Variants in STAG1 observed in about 807,000 individuals in gnomAD.
STAG1 encodes STAG1 cohesin complex component, also known as cohesin subunit SA-1.
In STAG1, 26 loss-of-function variants were observed where a neutral mutation model predicts 170.9. The ratio of observed to expected loss-of-function variants is 0.15; its 90% CI spans 0.11 to 0.21. The LOEUF is 0.21. STAG1 is among the 10% of genes least tolerant of loss of function. The pLI, the probability that STAG1 is intolerant of heterozygous loss-of-function variation, is 1.00. For missense variants in STAG1, 964 were observed against 1,509.5 expected (o/e 0.64, Z 5.99); for synonymous variants, 514 against 497.7 (o/e 1.03, Z -0.44).
chr3:136,634,147 T>TAATA (rs1054033190), intron 1 of STAG1, among the ~76,000 whole-genome samples: 2 of 147,764 alleles, frequency 1.4e-5, no homozygotes, highest in Non-Finnish European at 3.0e-5. Flanking sequence ...TTTCAAAAAA[T>TAATA]AATAAATAAA....
intron 32 of STAG1, 45 bp downstream of exon 32, chr3:136,340,446 C>T: frequency 8.0e-7 from 1 of 1,253,608 alleles, no homozygotes; most frequent in Non-Finnish European, 1.2e-6. Context: ...TACACCAATG[C>T]CCCCACATAT....
chr3:136,388,271 A>G (rs1162087715), intron 22 of STAG1, among the ~76,000 whole-genome samples: 1 of 152,218 alleles, frequency 6.6e-6, no homozygotes, highest in African/African-American at 2.4e-5. Flanking sequence ...ACAGGTGGTA[A>G]GAAGTGGAGT....
intron 4 of STAG1, among the ~76,000 whole-genome samples, chr3:136,573,049 C>T (rs992073857): frequency 2.0e-5 from 3 of 152,106 alleles, no homozygotes; most frequent in African/African-American, 7.2e-5. Flanking sequence ...CACAGTGGCA[C>T]ATGCCTATAA....
chr3:136,670,569 T>A (rs987891924), intron 1 of STAG1, among the ~76,000 whole-genome samples: 5 of 152,140 alleles, frequency 3.3e-5, no homozygotes, highest in Admixed American at 6.6e-5. Flanking sequence ...CAACCTCTAC[T>A]GGGTTCAAGC....
chr3:136,457,230 G>C (rs1220261489), intron 13 of STAG1, among the ~76,000 whole-genome samples: 2 of 152,088 alleles, frequency 1.3e-5, no homozygotes, highest in Non-Finnish European at 2.9e-5. Context: ...TCGTAGCTTG[G>C]ATGGAATCCA....
intron 1 of STAG1, among the ~76,000 whole-genome samples, chr3:136,633,521 G>A (rs900802755): frequency 6.6e-6 from 1 of 151,930 alleles, no homozygotes; most frequent in Non-Finnish European, 1.5e-5. Context: ...CCATCATGGT[G>A]AAACCCCATC....
At chr3:136,751,148 T>C (rs1935204910) in intron 1 of STAG1, among the ~76,000 whole-genome samples, 1 of 151,582 alleles carries the variant, frequency 6.6e-6, no homozygotes, top group African/African-American at 2.4e-5. Flanking sequence ...TAACAGCAAA[T>C]AATTTTTTTT....
intron 1 of STAG1, among the ~76,000 whole-genome samples, chr3:136,668,706 A>C (rs1295709845): frequency 6.6e-6 from 1 of 152,104 alleles, no homozygotes; most frequent in Non-Finnish European, 1.5e-5. Flanking sequence ...TTGAGCAGAA[A>C]TGGTCAGACC....
intron 21 of STAG1, among the ~76,000 whole-genome samples, chr3:136,411,940 A>G (rs1053160926): frequency 3.4e-5 from 5 of 148,548 alleles, no homozygotes; most frequent in Admixed American, 3.4e-4. Flanking sequence ...GGCATGGACC[A>G]CCACGCCCGG....
intron 25 of STAG1, among the ~76,000 whole-genome samples, chr3:136,363,997 T>C (rs888337953): frequency 6.6e-6 from 1 of 152,142 alleles, no homozygotes; most frequent in African/African-American, 2.4e-5. Context: ...TGACCTCAAG[T>C]GAGCTACCCA....
intron 1 of STAG1, among the ~76,000 whole-genome samples, chr3:136,702,114 A>AGG (rs1943092376): frequency 1.3e-5 from 1 of 76,528 alleles, no homozygotes; most frequent in East Asian, 2.1e-4. Context: ...AGAGAGAGAG[A>AGG]GAGAGAGACA....
At chr3:136,730,421 C>G (rs1933945350) in intron 1 of STAG1, among the ~76,000 whole-genome samples, 1 of 152,146 alleles carries the variant, frequency 6.6e-6, no homozygotes, top group Non-Finnish European at 1.5e-5. Context: ...AACCTGGACT[C>G]AACCACTTTC....
At chr3:136,603,828 A>C (rs998476966) in intron 4 of STAG1, among the ~76,000 whole-genome samples, 4 of 152,210 alleles carry the variant, frequency 2.6e-5, no homozygotes, top group Non-Finnish European at 5.9e-5. Flanking sequence ...CAGAGCTTGA[A>C]GTGAGCCAAG....
chr3:136,636,925 A>G (rs963234466), intron 1 of STAG1, among the ~76,000 whole-genome samples: 1 of 152,170 alleles, frequency 6.6e-6, no homozygotes, highest in Non-Finnish European at 1.5e-5. Context: ...ATACATACCT[A>G]AACTACTCAT....
intron 9 of STAG1, among the ~76,000 whole-genome samples, chr3:136,489,213 A>T (rs933398202): frequency 2.0e-5 from 3 of 152,242 alleles, no homozygotes; most frequent in Non-Finnish European, 4.4e-5. Context: ...GCTTCTAGGA[A>T]AAACTTATCT....
intron 10 of STAG1, among the ~76,000 whole-genome samples, chr3:136,474,913 A>G (rs1003528039): frequency 1.3e-5 from 2 of 152,074 alleles, no homozygotes; most frequent in African/African-American, 4.8e-5. Flanking sequence ...TTCCTCTCCC[A>G]ACCACTTCCC....
intron 4 of STAG1, among the ~76,000 whole-genome samples, chr3:136,600,107 T>C (rs1938599562): frequency 3.9e-5 from 6 of 152,182 alleles, no homozygotes; most frequent in Admixed American, 3.3e-4. Flanking sequence ...TCCTCAGCTT[T>C]TGATTTCCTG....
intron 7 of STAG1, among the ~76,000 whole-genome samples, chr3:136,519,238 G>A (rs550294480): frequency 6.6e-6 from 1 of 152,152 alleles, no homozygotes; most frequent in Admixed American, 6.5e-5. Context: ...AGAGTAAATG[G>A]CATACAATTA....
At position 136,659,959 on chromosome 3, in the gene STAG1, G is replaced by A. The variant is rs1247348980; in HGVS notation, c.-83-28978C>T. On this transcript the variant is annotated intron_variant, in intron 1 of 33. Coordinates refer to ENST00000383202, the MANE Select transcript of STAG1 (RefSeq NM_005862.3). ...TTTGGAAGGCCAACTCAGGAGAACTGCTTAAGGCCAGGAGTTTCAGAACAG... is the reference window on the plus strand; with the variant it reads ...TTTGGAAGGCCAACTCAGGAGAACTACTTAAGGCCAGGAGTTTCAGAACAG... Among the ~76,000 whole-genome samples, 2 of 152,092 alleles carry A rather than the reference G, an allele frequency of 1.3e-5. 1 individual carries two copies. Among genetic ancestry groups the A allele is most frequent in the Non-Finnish European group, 2.9e-5 (2 of 68,002 alleles).
Sources: allele counts gnomAD v4.1 joint callset (sites outside exome capture counted in the v4.1 genomes callset), GRCh38; gene constraint gnomAD v4.1.1; transcripts MANE v1.5; gene names NCBI Gene and HGNC (gene_info 2026-07-23, HGNC 2026-07-21).